SGCG: variants seen among roughly 807,000 people sequenced by gnomAD.
SGCG encodes the protein sarcoglycan gamma.
In SGCG, 26 loss-of-function variants were observed where a neutral mutation model predicts 29.3. That is an observed-to-expected ratio of 0.89 (90% CI 0.65 to 1.23). The LOEUF (loss-of-function observed/expected upper bound fraction) is 1.23, where lower values mean the gene tolerates loss of function less well. SGCG is among the 50% of genes most tolerant of loss of function. The pLI, the probability that SGCG is intolerant of heterozygous loss-of-function variation, is 0.00. For synonymous variants in SGCG, 145 were observed against 129.7 expected (o/e 1.12, Z -0.80); for missense variants, 353 against 356.0 (o/e 0.99, Z 0.07).
intron 1 of SGCG, among the ~76,000 whole-genome samples, chr13:23,193,176 G>T (rs1877348484): frequency 6.6e-6 from 1 of 152,160 alleles, no homozygotes; most frequent in South Asian, 2.1e-4. Flanking sequence ...AAGACTATAA[G>T]ATAGGAGAAA....
intron 2 of SGCG, among the ~76,000 whole-genome samples, chr13:23,216,291 A>G (rs61948490): frequency 0.061 from 9,271 of 152,242 alleles, 397 homozygotes; most frequent in Middle Eastern, 0.15. Context: ...AGAACACTAT[A>G]CTTTTTTGAA....
the SGCG span, among the ~76,000 whole-genome samples, chr13:23,173,264 T>C: frequency 6.6e-6 from 1 of 152,046 alleles, no homozygotes; most frequent in Admixed American, 6.6e-5. Context: ...GCAAAAAGTG[T>C]CCTCTCTGCA....
chr13:23,191,648 G>A (rs1283108548), intron 1 of SGCG, among the ~76,000 whole-genome samples: 1 of 152,138 alleles, frequency 6.6e-6, no homozygotes, highest in African/African-American at 2.4e-5. Context: ...GTTTGTCTTT[G>A]ACATTCAGTC....
intron 2 of SGCG, among the ~76,000 whole-genome samples, chr13:23,204,706 C>CTTTTT (rs398056176): frequency 8.7e-6 from 1 of 115,306 alleles, no homozygotes; most frequent in Non-Finnish European, 1.8e-5. Context: ...TCTTTCTTTC[C>CTTTTT]TTTTTTTTTT....
chr13:23,290,293 G>T (rs1881649559), intron 5 of SGCG, among the ~76,000 whole-genome samples: 1 of 152,198 alleles, frequency 6.6e-6, no homozygotes, highest in Non-Finnish European at 1.5e-5. Context: ...CAGAGCAGAA[G>T]TCTAGACTAG....
intron 2 of SGCG, among the ~76,000 whole-genome samples, chr13:23,204,706 C>CTTTT (rs398056176): frequency 4.3e-5 from 5 of 115,306 alleles, no homozygotes; most frequent in Non-Finnish European, 5.5e-5. Flanking sequence ...TCTTTCTTTC[C>CTTTT]TTTTTTTTTT....
At chr13:23,239,481 C>A (rs1007242586) in intron 3 of SGCG, among the ~76,000 whole-genome samples, 1 of 152,088 alleles carries the variant, frequency 6.6e-6, no homozygotes, top group South Asian at 2.1e-4. Context: ...TTAAAGGAAG[C>A]CTTTCTGGCA....
chr13:23,223,758 G>T (rs1878779172), intron 2 of SGCG, among the ~76,000 whole-genome samples: 1 of 152,130 alleles, frequency 6.6e-6, no homozygotes, highest in Admixed American at 6.5e-5. Flanking sequence ...ATGAGGTCAG[G>T]AGTTTGAGAC....
intron 4 of SGCG, among the ~76,000 whole-genome samples, chr13:23,256,543 G>A (rs776097511): frequency 6.4e-5 from 9 of 140,682 alleles, no homozygotes; most frequent in Admixed American, 2.9e-4. Context: ...CCCACCCCAC[G>A]ACAGGCCCCA....
intron 6 of SGCG, among the ~76,000 whole-genome samples, chr13:23,307,539 A>C (rs1376368828): frequency 6.6e-6 from 1 of 152,214 alleles, no homozygotes; most frequent in Non-Finnish European, 1.5e-5. Context: ...GGCTGTGGGC[A>C]GTACTTAGAA....
At chr13:23,166,932 T>C in the SGCG span, among the ~76,000 whole-genome samples, 2 of 152,248 alleles carry the variant, frequency 1.3e-5, no homozygotes, top group East Asian at 3.8e-4. Flanking sequence ...TATACTCTTT[T>C]TATTTTAAAG....
intron 4 of SGCG, among the ~76,000 whole-genome samples, chr13:23,265,379 C>G (rs1227675931): frequency 6.6e-6 from 1 of 152,028 alleles, no homozygotes; most frequent in Admixed American, 6.6e-5. Flanking sequence ...AACATCAAGA[C>G]CATCCTGGCC....
chr13:23,252,410 G>A (rs879762869), intron 4 of SGCG, among the ~76,000 whole-genome samples: 55 of 152,178 alleles, frequency 3.6e-4, no homozygotes, highest in South Asian at 1.0e-3. Flanking sequence ...ATTAATTAGC[G>A]GCCGGGCACG....
intron 1 of SGCG, among the ~76,000 whole-genome samples, chr13:23,202,843 C>G (rs1358754912): frequency 6.6e-6 from 1 of 152,156 alleles, no homozygotes; most frequent in Non-Finnish European, 1.5e-5. Context: ...TCTGATTCAT[C>G]TTTTTACTAC....
At chr13:23,302,848 A>G (rs1010220683) in intron 6 of SGCG, among the ~76,000 whole-genome samples, 8 of 152,296 alleles carry the variant, frequency 5.3e-5, no homozygotes, top group African/African-American at 1.9e-4. Context: ...TTTTTTAAGT[A>G]GATGTCCCAA....
At chr13:23,241,331 CCA>C (rs1491186738) in intron 3 of SGCG, among the ~76,000 whole-genome samples, 17,302 of 151,804 alleles carry the variant, frequency 0.11, 1,220 homozygotes, top group East Asian at 0.38. Flanking sequence ...TTAGAGGCTA[CCA>C]TGAACAAGTA....
Position 23,303,075 on chromosome 13 carries a change from C to T in SGCG, c.578+7588C>T, listed in dbSNP as rs1181024801. 1.3e-5 allele frequency among the ~76,000 whole-genome samples: 2 copies of T among 152,206 alleles called. 1 individual carries two copies. ...ATGATTACCTCGTAATCACTGTAGT[C>T]ATTCAATTTGTCAATTCTGTCACCA... On this transcript the variant is annotated intron_variant, in intron 6 of 7. Transcript: ENST00000218867.
intron 2 of SGCG, among the ~76,000 whole-genome samples, chr13:23,233,628 G>T (rs9510641): frequency 0.67 from 102,228 of 152,030 alleles, 34,775 homozygotes; most frequent in East Asian, 0.91. Flanking sequence ...ACATCACAAA[G>T]GTACTTAATA....
At chr13:23,230,933 G>A (rs187639336) in intron 2 of SGCG, among the ~76,000 whole-genome samples, 1 of 152,250 alleles carries the variant, frequency 6.6e-6, no homozygotes, top group East Asian at 1.9e-4. Flanking sequence ...GTTTGTCATA[G>A]AAGTCTCATT....
Sources: gnomAD v4.1 joint callset for allele counts (sites outside exome capture counted in the v4.1 genomes callset) on GRCh38, gnomAD v4.1.1 for gene constraint, MANE v1.5 for transcripts, NCBI Gene and HGNC (gene_info 2026-07-23, HGNC 2026-07-21) for gene names.